Variants in ZNF521 observed in about 807,000 individuals in gnomAD.
The protein encoded by ZNF521 is zinc finger protein 521, also known as LYST-interacting protein 3.
ZNF521 carries 14 observed loss-of-function variants against 105.5 expected under a neutral mutation model. The ratio of observed to expected loss-of-function variants is 0.13; its 90% CI spans 0.09 to 0.21. The LOEUF is 0.21. Ranked by LOEUF, ZNF521 falls within the 10% of genes least tolerant of loss-of-function variation. The probability of loss-of-function intolerance (pLI) is 1.00; values close to 1 mark genes in which losing one functional copy is unlikely to be tolerated. For missense variants in ZNF521, 1,233 were observed against 1,629.7 expected, an observed-to-expected ratio of 0.76 and a Z score of 4.19; for synonymous variants, 635 against 606.0, an observed-to-expected ratio of 1.05 and a Z score of -0.70.
At chr18:25,296,675 C>A (rs1012038684) in intron 3 of ZNF521, among the ~76,000 whole-genome samples, 70 of 152,298 alleles carry the variant, frequency 4.6e-4, no homozygotes, top group African/African-American at 1.7e-3. Context: ...CAAATACCTT[C>A]TCTTCCTCAA....
At chr18:25,257,322 T>C (rs1908589474) in intron 3 of ZNF521, among the ~76,000 whole-genome samples, 1 of 152,214 alleles carries the variant, frequency 6.6e-6, no homozygotes, top group African/African-American at 2.4e-5. Context: ...TTAAGTTTAA[T>C]ATAAATATCA....
Position 25,084,562 on chromosome 18 carries a change from GT to G in ZNF521, c.3906+4902del, listed in dbSNP as rs1334267109. ...GTCAAATTACTACTGCACTTTGAATGTAGGAAACACTGCACTCATGACTTAA... is the reference window on the plus strand; with the variant it reads ...GTCAAATTACTACTGCACTTTGAATGAGGAAACACTGCACTCATGACTTAA... On this transcript the variant is annotated intron_variant, in intron 7 of 7. Transcript: ENST00000361524. Among the ~76,000 whole-genome samples, 3 of 140,016 alleles carry G rather than the reference GT, an allele frequency of 2.1e-5. No homozygotes were observed. In the East Asian group the frequency reaches 5.9e-4, roughly 28 times the overall value. 91.9% of individuals were successfully genotyped at this position (140,016 alleles called of 152,430 possible).
At chr18:25,070,635 G>A (rs1489352890) in intron 7 of ZNF521, among the ~76,000 whole-genome samples, 1 of 152,074 alleles carries the variant, frequency 6.6e-6, no homozygotes, top group Non-Finnish European at 1.5e-5. Context: ...ATTCTTTGTT[G>A]CAGGGGGTTG....
At chr18:25,118,964 C>T (rs1489876800) in intron 5 of ZNF521, among the ~76,000 whole-genome samples, 6 of 151,944 alleles carry the variant, frequency 3.9e-5, no homozygotes, top group Non-Finnish European at 4.4e-5. Flanking sequence ...CATGAGAATG[C>T]TAGAGGGGCT....
chr18:25,271,711 C>T (rs535154099), intron 3 of ZNF521, among the ~76,000 whole-genome samples: 1 of 152,226 alleles, frequency 6.6e-6, no homozygotes, highest in Non-Finnish European at 1.5e-5. Flanking sequence ...AATTGGCTAG[C>T]CATATGCAGA....
intron 5 of ZNF521, among the ~76,000 whole-genome samples, chr18:25,145,080 A>C (rs896235403): frequency 2.0e-5 from 3 of 152,266 alleles, no homozygotes; most frequent in South Asian, 2.1e-4. Flanking sequence ...GAAAAAAACT[A>C]TCTCTGTAGC....
intron 4 of ZNF521, among the ~76,000 whole-genome samples, chr18:25,196,305 C>T (rs1411294402): frequency 6.6e-6 from 1 of 151,514 alleles, no homozygotes; most frequent in Non-Finnish European, 1.5e-5. Context: ...ACAGAATTAT[C>T]GTTTCATTTG....
chr18:25,138,340 A>T (rs942781165), intron 5 of ZNF521, among the ~76,000 whole-genome samples: 1 of 152,206 alleles, frequency 6.6e-6, no homozygotes, highest in African/African-American at 2.4e-5. Flanking sequence ...AAATTTTGAA[A>T]GAAAAAAGAT....
chr18:25,146,628 A>G (rs770629787), intron 5 of ZNF521, among the ~76,000 whole-genome samples: 1 of 152,184 alleles, frequency 6.6e-6, no homozygotes, highest in African/African-American at 2.4e-5. Flanking sequence ...AACCCTTGCC[A>G]CTTGGCCTGG....
intron 3 of ZNF521, among the ~76,000 whole-genome samples, chr18:25,280,541 C>A (rs1256541515): frequency 6.6e-6 from 1 of 152,074 alleles, no homozygotes; most frequent in African/African-American, 2.4e-5. Context: ...ATCACAGACA[C>A]ACACACAAGT....
rs895698891 is a variant in ZNF521 at position 25,063,098 on chromosome 18, C to G, written c.3907-357G>C. On this transcript the variant is annotated intron_variant, in intron 7 of 7. Coordinates refer to ENST00000361524, the MANE Select transcript of ZNF521 (RefSeq NM_015461.3). ...ACCTCTGCCATGCCTTTCTATAATA[C>G]CCTCCCGCCATCCATCATCTCTTCT... 8.5e-5 allele frequency among the ~76,000 whole-genome samples: 13 copies of G among 152,300 alleles called. 1 individual carries two copies. Among genetic ancestry groups the G allele is most frequent in the African/African-American group, 3.1e-4 (13 of 41,560 alleles).
At chr18:25,110,660 T>A in intron 5 of ZNF521, among the ~76,000 whole-genome samples, 1 of 151,514 alleles carries the variant, frequency 6.6e-6, no homozygotes. Context: ...TGCCCAGCTA[T>A]CTTACTTTTG....
chr18:25,084,394 C>A (rs917147949), intron 7 of ZNF521, among the ~76,000 whole-genome samples: 1 of 150,832 alleles, frequency 6.6e-6, no homozygotes, highest in Non-Finnish European at 1.5e-5. Context: ...CACTCAAGCA[C>A]CAGTTAAACT....
intron 3 of ZNF521, among the ~76,000 whole-genome samples, chr18:25,303,309 T>TGTGA (rs1305017795): frequency 2.3e-3 from 290 of 128,462 alleles, no homozygotes; most frequent in Non-Finnish European, 3.7e-3. Flanking sequence ...TGTGTGTGTG[T>TGTGA]GAGAGAGAGA....
chr18:25,282,896 G>A (rs190105519), intron 3 of ZNF521, among the ~76,000 whole-genome samples: 6 of 152,306 alleles, frequency 3.9e-5, no homozygotes, highest in South Asian at 2.1e-4. Flanking sequence ...AAGGCACCAC[G>A]TGGAGTAGAG....
chr18:25,088,230 T>C (rs1343629407), intron 7 of ZNF521, among the ~76,000 whole-genome samples: 1 of 152,024 alleles, frequency 6.6e-6, no homozygotes, highest in Non-Finnish European at 1.5e-5. Flanking sequence ...TTTTTTTTTT[T>C]TTTGAGACAG....
chr18:25,347,320 T>C (rs751581736), intron 2 of ZNF521, among the ~76,000 whole-genome samples: 2 of 152,166 alleles, frequency 1.3e-5, no homozygotes, highest in African/African-American at 2.4e-5. Context: ...TTTCATTAAA[T>C]AGAAGGGGTT....
chr18:25,201,555 T>G (rs146294779), intron 4 of ZNF521: 1 of 152,358 alleles, frequency 6.6e-6, no homozygotes, highest in East Asian at 1.9e-4. Context: ...CTTTATATTT[T>G]ATCAATCATT....
At chr18:25,127,565 C>T (rs1033587433) in intron 5 of ZNF521, among the ~76,000 whole-genome samples, 5 of 151,678 alleles carry the variant, frequency 3.3e-5, no homozygotes, top group African/African-American at 1.2e-4. Flanking sequence ...TAGAAAAAGA[C>T]CTAAAAAAAG....
Sources: gnomAD v4.1 joint callset for allele counts (sites outside exome capture counted in the v4.1 genomes callset) on GRCh38, gnomAD v4.1.1 for gene constraint, MANE v1.5 for transcripts, NCBI Gene and HGNC (gene_info 2026-07-23, HGNC 2026-07-21) for gene names.